Variants in ANGEL1 observed in about 807,000 individuals in gnomAD.
ANGEL1 encodes angel homolog 1.
A neutral mutation model predicts 76.4 loss-of-function variants in ANGEL1; 62 were observed. The observed-to-expected ratio is 0.81, with a 90% confidence interval of 0.66 to 1.00. The LOEUF (loss-of-function observed/expected upper bound fraction) is 1.00. Ranked by LOEUF, ANGEL1 falls within the 50% of genes least tolerant of loss-of-function variation. ANGEL1 has a pLI of 0.00. For synonymous variants in ANGEL1, 340 were observed against 331.7 expected (o/e 1.03, Z -0.27); for missense variants, 737 against 836.7 (o/e 0.88, Z 1.47).
rs889472030 is a variant in ANGEL1 at position 76,786,021 on chromosome 14, T to C, written c.*3207A>G. 5.3e-5 allele frequency: 8 copies of C among 152,226 alleles called. No individual in the cohort carries two copies. Among genetic ancestry groups the C allele is most frequent in the Admixed American group, 3.3e-4 (5 of 15,278 alleles). The allele number at this position is 152,226 out of a possible 1,614,324, so 9.4% of individuals were successfully genotyped here. On this transcript the variant is annotated 3_prime_UTR_variant, in exon 10 of 10. Coordinates refer to ENST00000251089, the MANE Select transcript of ANGEL1 (RefSeq NM_015305.4). ...AATTCTTCACAAGTAGAAGTGATTA[T>C]TAACTTTAATTTCTATTTCACCAAG...
chr14:76,810,103 C>G (rs577058965), intron 1 of ANGEL1: 262 of 443,222 alleles, frequency 5.9e-4, no homozygotes, highest in Non-Finnish European at 1.0e-3. Flanking sequence ...AACAATGCCC[C>G]TAGTCAGATG....
At chr14:76,791,868 C>T (rs866321740) in intron 7 of ANGEL1, among the ~76,000 whole-genome samples, 2 of 151,802 alleles carry the variant, frequency 1.3e-5, no homozygotes, top group African/African-American at 2.4e-5. Flanking sequence ...CATCTATAAG[C>T]ACACACACAC....
chr14:76,807,630 G>T, intron 3 of ANGEL1, 128 bp from the exon 4 acceptor site: 1 of 854,400 alleles, frequency 1.2e-6, no homozygotes. Context: ...GTCACCAACA[G>T]CAAGAACAGG....
At chr14:76,807,310 G>T (rs61989361) in intron 4 of ANGEL1, 123 bp downstream of exon 4, 9,309 of 899,450 alleles carry the variant, frequency 0.01, 87 homozygotes, top group Middle Eastern at 0.02. Flanking sequence ...ACACATGGAA[G>T]GAGCTAGCTC....
intron 1 of ANGEL1, among the ~76,000 whole-genome samples, chr14:76,810,713 C>G (rs1403193110): frequency 6.6e-6 from 1 of 152,148 alleles, no homozygotes; most frequent in Admixed American, 6.5e-5. Flanking sequence ...AAGGTGCCAA[C>G]AATCGACAGT....
intron 7 of ANGEL1, among the ~76,000 whole-genome samples, chr14:76,794,312 A>G (rs1894509216): frequency 6.6e-6 from 1 of 152,206 alleles, no homozygotes; most frequent in Non-Finnish European, 1.5e-5. Context: ...AGCTGTTCAA[A>G]AAAAAGGATA....
chr14:76,806,985 C>G, intron 4 of ANGEL1, 136 bp from the exon 5 acceptor site: 1 of 1,013,484 alleles, frequency 9.9e-7, no homozygotes, highest in Non-Finnish European at 1.4e-6. Context: ...TTGCCACTTC[C>G]TTGGTTCAGC....
In ANGEL1 at chr14:76,809,647, G is replaced by A; in HGVS notation, c.65-4C>T. On this transcript the variant is annotated splice_polypyrimidine_tract_variant and splice_region_variant and intron_variant, in intron 1 of 9. Coordinates refer to ENST00000251089, the MANE Select transcript of ANGEL1 (RefSeq NM_015305.4). ...TTTCGACATGTGAAGAAAGCATCTA[G>A]GAGGAAAGCCAAAATACCAGGTTAT... The A allele has an allele frequency of 6.2e-7, 1 of 1,609,354 alleles. No homozygotes were observed. Among genetic ancestry groups the A allele is most frequent in the Non-Finnish European group, 8.5e-7 (1 of 1,177,190 alleles).
chr14:76,807,622 C>T (rs1894958279), intron 3 of ANGEL1, 120 bp from the exon 4 acceptor site: 1 of 928,672 alleles, frequency 1.1e-6, no homozygotes, highest in Admixed American at 2.1e-5. Flanking sequence ...TTCCCAGAGT[C>T]ACCAACAGCA....
chr14:76,796,899 A>C (rs1182637640), intron 7 of ANGEL1, among the ~76,000 whole-genome samples: 1 of 152,148 alleles, frequency 6.6e-6, no homozygotes, highest in Admixed American at 6.5e-5. Flanking sequence ...AGTATCTTTA[A>C]GTTACATCCT....
Position 76,789,442 on chromosome 14 carries a change from G to T in ANGEL1, c.1853-54C>A. On this transcript the variant is annotated intron_variant, in intron 9 of 9. Transcript: ENST00000251089. Reference sequence around the variant, plus strand: ...AAAAGCAGCCGCAGCCACACTGCATGGGCAGGCAGTGGCAGAGTCCTTTGG... The same window carrying T: ...AAAAGCAGCCGCAGCCACACTGCATTGGCAGGCAGTGGCAGAGTCCTTTGG... 3.1e-6 allele frequency: 5 copies of T among 1,600,136 alleles called. No homozygotes were observed. In the South Asian group the frequency reaches 5.6e-5, roughly 18 times the overall value.
chr14:76,791,269 A>G, intron 8 of ANGEL1, 28 bp downstream of exon 8: 1 of 1,613,304 alleles, frequency 6.2e-7, no homozygotes, highest in Non-Finnish European at 8.5e-7. Flanking sequence ...GGCTGGATTG[A>G]AAACAGAAGA....
At chr14:76,811,447 G>GT (rs1189159599) in intron 1 of ANGEL1, among the ~76,000 whole-genome samples, 1 of 139,344 alleles carries the variant, frequency 7.2e-6, no homozygotes, top group African/African-American at 2.7e-5. Context: ...GAATGCTTTT[G>GT]TTTTTTAAAA....
rs536837678 is a variant in ANGEL1, at chr14:76,812,073, G to C, written c.64+691C>G. On this transcript the variant is annotated intron_variant, in intron 1 of 9. Transcript: ENST00000251089. ...TCCGTAATTTCAAAGCCCAGAAATA[G>C]AGAATGCAGACAAATTATGAAACAA... 9.2e-5 allele frequency among the ~76,000 whole-genome samples: 14 copies of C among 152,328 alleles called. No individual in the cohort carries two copies. In the South Asian group the frequency reaches 1.7e-3, roughly 18 times the overall value.
intron 2 of ANGEL1, among the ~76,000 whole-genome samples, chr14:76,808,459 A>C (rs555666718): frequency 5.3e-4 from 79 of 148,050 alleles, no homozygotes; most frequent in Non-Finnish European, 1.2e-4. Flanking sequence ...AGAATCACTC[A>C]GATGAGTGTG....
intron 7 of ANGEL1, among the ~76,000 whole-genome samples, chr14:76,798,713 C>T (rs1213520691): frequency 6.6e-6 from 1 of 151,716 alleles, no homozygotes; most frequent in Non-Finnish European, 1.5e-5. Flanking sequence ...TTTGGGAGGC[C>T]GAGGTGGGTG....
In ANGEL1 at chr14:76,788,986, C is replaced by G. The variant is rs917594956; in HGVS notation, c.*242G>C. The G allele has an allele frequency of 2.1e-6, 1 of 477,194 alleles. No individual in the cohort carries two copies. Among genetic ancestry groups the G allele is most frequent in the African/African-American group, 2.0e-5 (1 of 50,870 alleles). 29.6% of individuals were successfully genotyped at this position (477,194 alleles called of 1,614,324 possible). ...GGAAGGGGGAGCCCCCCTTCTGCCTCTCCCAGGGCCACTGAGTGTGTGGCA... is the reference window on the plus strand; with the variant it reads ...GGAAGGGGGAGCCCCCCTTCTGCCTGTCCCAGGGCCACTGAGTGTGTGGCA... On this transcript the variant is annotated 3_prime_UTR_variant, in exon 10 of 10. Coordinates refer to ENST00000251089, the MANE Select transcript of ANGEL1 (RefSeq NM_015305.4).
At chr14:76,803,596 AAGG>A (rs755733747) in intron 6 of ANGEL1, 115 bp from the exon 7 acceptor site, 28 of 1,353,050 alleles carry the variant, frequency 2.1e-5, no homozygotes, top group Non-Finnish European at 2.5e-5. Context: ...TTCAGAAGAC[AAGG>A]AGATTTTCCA....
chr14:76,792,765 T>C (rs1356591616), intron 7 of ANGEL1, among the ~76,000 whole-genome samples: 1 of 152,186 alleles, frequency 6.6e-6, no homozygotes, highest in African/African-American at 2.4e-5. Flanking sequence ...AGAGAATCTA[T>C]GAAAAACTCA....
Sources: gnomAD v4.1 joint callset for allele counts (sites outside exome capture counted in the v4.1 genomes callset) on GRCh38, gnomAD v4.1.1 for gene constraint, MANE v1.5 for transcripts, NCBI Gene and HGNC (gene_info 2026-07-23, HGNC 2026-07-21) for gene names.